Variants in SMARCAD1 observed in about 807,000 individuals in gnomAD.
SMARCAD1 encodes SWI/SNF-related matrix-associated actin-dependent regulator of chromatin subfamily A containing DEAD/H box 1.
In SMARCAD1, 25 loss-of-function variants were observed where a neutral mutation model predicts 127.1. The observed-to-expected ratio is 0.20, with a 90% confidence interval of 0.14 to 0.27. The LOEUF (loss-of-function observed/expected upper bound fraction) is 0.27, where lower values mean the gene tolerates loss of function less well. SMARCAD1 is among the 10% of genes least tolerant of loss of function. SMARCAD1 has a pLI of 1.00. For synonymous variants in SMARCAD1, 400 were observed against 396.9 expected (o/e 1.01, Z -0.09); for missense variants, 807 against 1,206.0 (o/e 0.67, Z 4.90).
chr4:94,276,249 A>G, intron 14 of SMARCAD1, 90 bp from the exon 15 acceptor site: 2 of 1,427,484 alleles, frequency 1.4e-6, no homozygotes, highest in Non-Finnish European at 1.9e-6. Flanking sequence ...AAATGTGTAA[A>G]TAAAAAATGA....
intron 21 of SMARCAD1, among the ~76,000 whole-genome samples, chr4:94,282,103 T>TGTTTG (rs1553921644): frequency 4.4e-5 from 2 of 45,774 alleles, no homozygotes; most frequent in African/African-American, 1.5e-4. Flanking sequence ...TTTTTTTGTT[T>TGTTTG]TTTTTTTTTT....
At chr4:94,238,613 AAAAGAAAG>A (rs564244248) in intron 5 of SMARCAD1, among the ~76,000 whole-genome samples, 19 of 151,876 alleles carry the variant, frequency 1.3e-4, no homozygotes, top group Middle Eastern at 3.4e-3. Context: ...ACCCTGTCTC[AAAAGAAAG>A]AAAGAAAGAA....
chr4:94,260,245 A>G (rs553141303), intron 9 of SMARCAD1, among the ~76,000 whole-genome samples: 1 of 152,364 alleles, frequency 6.6e-6, no homozygotes, highest in South Asian at 2.1e-4. Context: ...ATCAGAAGAC[A>G]GTAATATCTG....
chr4:94,277,291 T>C, intron 16 of SMARCAD1, 132 bp downstream of exon 16: 1 of 1,045,084 alleles, frequency 9.6e-7, no homozygotes, highest in Admixed American at 2.0e-5. Flanking sequence ...GTGATAACTC[T>C]ATATTTGGAT....
At chr4:94,211,936 T>C (rs1286212870) in intron 2 of SMARCAD1, among the ~76,000 whole-genome samples, 1 of 128,938 alleles carries the variant, frequency 7.8e-6, no homozygotes, top group East Asian at 2.7e-4. Context: ...TATTTATCAC[T>C]AGCTAACCTT....
intron 2 of SMARCAD1, among the ~76,000 whole-genome samples, chr4:94,224,999 C>T (rs1467271212): frequency 2.0e-5 from 3 of 152,096 alleles, no homozygotes; most frequent in Admixed American, 6.6e-5. Context: ...TACTTTAATA[C>T]GACTCCCTTC....
intron 9 of SMARCAD1, among the ~76,000 whole-genome samples, chr4:94,258,608 A>G (rs755164795): frequency 6.6e-6 from 1 of 152,172 alleles, no homozygotes; most frequent in Non-Finnish European, 1.5e-5. Flanking sequence ...AATTCAGTGC[A>G]TGCCACTTTT....
chr4:94,244,631 T>C (rs539252489), intron 6 of SMARCAD1, among the ~76,000 whole-genome samples: 14 of 152,278 alleles, frequency 9.2e-5, no homozygotes, highest in South Asian at 8.3e-4. Flanking sequence ...TTAAAAGATA[T>C]TGTTAACGTC....
At chr4:94,270,581 A>AT (rs1205774997) in intron 10 of SMARCAD1, 147 bp from the exon 11 acceptor site, 35 of 635,026 alleles carry the variant, frequency 5.5e-5, no homozygotes, top group African/African-American at 1.1e-4. Flanking sequence ...TCTTGGGTTC[A>AT]TTTTTTTTAA....
At chr4:94,253,982 G>C (rs902699343) in intron 9 of SMARCAD1, among the ~76,000 whole-genome samples, 2 of 151,986 alleles carry the variant, frequency 1.3e-5, no homozygotes, top group Non-Finnish European at 2.9e-5. Flanking sequence ...TTGCTTTTGT[G>C]GTTAATTTTA....
At chr4:94,245,284 G>C (rs538979644) in intron 6 of SMARCAD1, among the ~76,000 whole-genome samples, 1 of 152,338 alleles carries the variant, frequency 6.6e-6, no homozygotes, top group Non-Finnish European at 1.5e-5. Flanking sequence ...GGATGCAGAA[G>C]ATGTCGATGA....
chr4:94,253,178 T>C, intron 9 of SMARCAD1, 171 bp downstream of exon 9: 1 of 1,502,970 alleles, frequency 6.7e-7, no homozygotes, highest in Non-Finnish European at 9.0e-7. Context: ...TAGTGTCATA[T>C]GACCTAATTT....
In SMARCAD1 at chr4:94,273,679, T is replaced by C. The variant is rs772245260; in HGVS notation, c.1635T>C (p.Asn545=). The C allele has an allele frequency of 6.2e-7, 1 of 1,613,906 alleles. No individual in the cohort carries two copies. Among genetic ancestry groups the C allele is most frequent in the Admixed American group, 1.7e-5 (1 of 60,022 alleles). ...CATACCTCTATCAGGAGGGTAATAATGGTCCTCATTTGATCGTTGTTCCAG... is the reference window on the plus strand; with the variant it reads ...CATACCTCTATCAGGAGGGTAATAACGGTCCTCATTTGATCGTTGTTCCAG... The part of the protein sequence containing the change: ...FLAYLYQEGN[N]GPHLIVVPAS... The change falls in exon 12 of 24, where the codon AAT becomes AAC. Residue 545 remains asparagine, a synonymous_variant. Coordinates refer to ENST00000354268, the MANE Select transcript of SMARCAD1 (RefSeq NM_020159.5).
chr4:94,280,473 C>T, intron 19 of SMARCAD1, 119 bp from the exon 20 acceptor site: 1 of 875,680 alleles, frequency 1.1e-6, no homozygotes, highest in Non-Finnish European at 1.8e-6. Flanking sequence ...AAGTCTGTTA[C>T]ACTAAAAGGT....
chr4:94,226,846 G>A (rs566050798), intron 3 of SMARCAD1, among the ~76,000 whole-genome samples: 120 of 151,996 alleles, frequency 7.9e-4, no homozygotes, highest in South Asian at 5.4e-3. Context: ...TAGGGAGTTA[G>A]GGTCAGGGAA....
intron 8 of SMARCAD1, among the ~76,000 whole-genome samples, chr4:94,251,682 A>G (rs1749292584): frequency 6.6e-6 from 1 of 152,168 alleles, no homozygotes; most frequent in Non-Finnish European, 1.5e-5. Flanking sequence ...TTTCTGAGTA[A>G]GTAAAAATTT....
intron 3 of SMARCAD1, 97 bp from the exon 4 acceptor site, chr4:94,233,857 G>A: frequency 8.0e-7 from 1 of 1,244,428 alleles, no homozygotes; most frequent in Non-Finnish European, 1.2e-6. Flanking sequence ...GAAAAGAACT[G>A]CAGATGTGTT....
At chr4:94,279,101 G>A (rs748053371) in intron 19 of SMARCAD1, 51 bp downstream of exon 19, 3 of 1,610,232 alleles carry the variant, frequency 1.9e-6, no homozygotes, top group Admixed American at 3.3e-5. Context: ...AGGTTAAGTT[G>A]TTAGGCTATA....
In SMARCAD1 at chr4:94,252,641, G is replaced by A. The variant is rs1425073271; in HGVS notation, c.915G>A (p.Glu305=). Residue 305 remains glutamate (E), a synonymous_variant, in exon 9 of 24, where the codon GAG becomes GAA. Transcript: ENST00000354268. ...ATATGCAATATGTATCACAAAGTGAGGTTCCAAATGGAAAAGAAGTTTCTT... is the reference window on the plus strand; with the variant it reads ...ATATGCAATATGTATCACAAAGTGAAGTTCCAAATGGAAAAGAAGTTTCTT... The part of the protein sequence containing the change: ...DQDMQYVSQS[E]VPNGKEVSSR... 6.4e-6 allele frequency: 10 copies of A among 1,570,558 alleles called. No homozygotes were observed. Among genetic ancestry groups the A allele is most frequent in the Non-Finnish European group, 8.6e-6 (10 of 1,162,450 alleles).
Sources: allele counts gnomAD v4.1 joint callset (sites outside exome capture counted in the v4.1 genomes callset), GRCh38; gene constraint gnomAD v4.1.1; transcripts MANE v1.5; gene names NCBI Gene and HGNC (gene_info 2026-07-23, HGNC 2026-07-21).